The following MDM1 variants were observed in gnomAD, a reference collection of about 807,000 sequenced individuals.
The protein encoded by MDM1 is Mdm1 nuclear protein.
A neutral mutation model predicts 89.1 loss-of-function variants in MDM1; 61 were observed. The observed-to-expected ratio is 0.68, with a 90% CI of 0.56 to 0.85. MDM1 has a LOEUF of 0.85. MDM1 is among the 40% of genes least tolerant of loss of function. The pLI is 0.00. For synonymous variants in MDM1, 290 were observed against 294.1 expected (o/e 0.99, Z 0.14); for missense variants, 820 against 846.5 (o/e 0.97, Z 0.39).
intron 12 of MDM1, among the ~76,000 whole-genome samples, chr12:68,310,828 G>T (rs1301331182): frequency 6.6e-6 from 1 of 152,102 alleles, no homozygotes; most frequent in African/African-American, 2.4e-5. Context: ...ATTCCCTATA[G>T]ATTTTCAACC....
intron 7 of MDM1, among the ~76,000 whole-genome samples, chr12:68,318,141 G>A (rs1874735886): frequency 6.6e-6 from 1 of 152,168 alleles, no homozygotes; most frequent in South Asian, 2.1e-4. Flanking sequence ...CACTCAGTGA[G>A]CCAACCTGTA....
At chr12:68,323,320 A>G in intron 4 of MDM1, 80 bp from the exon 5 acceptor site, 1 of 1,033,742 alleles carries the variant, frequency 9.7e-7, no homozygotes, top group South Asian at 1.7e-5. Flanking sequence ...AACAAAACAT[A>G]AAGTTGAATT....
At chr12:68,299,904 A>G (rs908253024) in intron 13 of MDM1, among the ~76,000 whole-genome samples, 3 of 152,210 alleles carry the variant, frequency 2.0e-5, no homozygotes, top group African/African-American at 7.2e-5. Flanking sequence ...TAAAGTCAAC[A>G]TGAAGGAAAG....
At chr12:68,307,754 A>G (rs1320787491) in intron 12 of MDM1, among the ~76,000 whole-genome samples, 1 of 152,090 alleles carries the variant, frequency 6.6e-6, no homozygotes, top group Non-Finnish European at 1.5e-5. Context: ...CCTGGCCAAC[A>G]TGGCAAAACC....
At chr12:68,321,210 C>G (rs1337741469) in intron 7 of MDM1, 137 bp downstream of exon 7, 4 of 498,538 alleles carry the variant, frequency 8.0e-6, no homozygotes, top group Non-Finnish European at 1.4e-5. Context: ...ACATAAGTTC[C>G]TGATACTATT....
intron 12 of MDM1, among the ~76,000 whole-genome samples, chr12:68,313,137 A>G (rs994492121): frequency 6.6e-6 from 1 of 152,210 alleles, no homozygotes; most frequent in Non-Finnish European, 1.5e-5. Flanking sequence ...TATCCCCAGC[A>G]CTTAAAACAA....
intron 12 of MDM1, among the ~76,000 whole-genome samples, chr12:68,307,017 A>G (rs1285100815): frequency 1.3e-5 from 2 of 152,262 alleles, no homozygotes; most frequent in African/African-American, 2.4e-5. Flanking sequence ...CAGCCATAAG[A>G]AAGAATGAAA....
intron 13 of MDM1, among the ~76,000 whole-genome samples, chr12:68,300,213 T>C (rs1871952993): frequency 6.6e-6 from 1 of 152,092 alleles, no homozygotes; most frequent in Non-Finnish European, 1.5e-5. Context: ...AACAAAAGCT[T>C]GATATGCAAC....
chr12:68,314,934 T>C lies in MDM1; in HGVS notation c.1529+14A>G, dbSNP rs768951908. On this transcript the variant is annotated intron_variant, in intron 10 of 14. Coordinates refer to ENST00000682720, the MANE Select transcript of MDM1 (RefSeq NM_001354969.2). ...AATAACGCTTCTCTATACTGAGTAA[T>C]TTAAAACTCTCACCCTTCTTTCATC... The C allele has an allele frequency of 8.7e-6, 14 of 1,601,856 alleles. No individual in the cohort carries two copies. In the South Asian group the frequency reaches 1.5e-4, roughly 18 times the overall value.
rs1565778206 is a variant in MDM1 at position 68,316,564 on chromosome 12, A to G, written c.1035+17T>C. ...TAATCTATGATTATAGTTTTTAAAA[A>G]CTCAAAAGCAACCAACCTCAGCATA... On this transcript the variant is annotated intron_variant, in intron 8 of 14. Coordinates refer to ENST00000682720, the MANE Select transcript of MDM1 (RefSeq NM_001354969.2). 1.3e-6 allele frequency: 2 copies of G among 1,530,374 alleles called. No individual in the cohort carries two copies. Among genetic ancestry groups the G allele is most frequent in the East Asian group, 2.4e-5 (1 of 40,854 alleles). The allele number at this position is 1,530,374 out of a possible 1,614,324, so 94.8% of individuals were successfully genotyped here.
At chr12:68,325,325 G>C in intron 4 of MDM1, 116 bp downstream of exon 4, 1 of 1,368,984 alleles carries the variant, frequency 7.3e-7, no homozygotes, top group Non-Finnish European at 9.5e-7. Context: ...TGGTTTTCTA[G>C]AACCTACCTC....
intron 13 of MDM1, among the ~76,000 whole-genome samples, chr12:68,299,111 G>C (rs1000734277): frequency 2.0e-5 from 3 of 151,746 alleles, no homozygotes; most frequent in South Asian, 4.2e-4. Context: ...ATTCTTAAGA[G>C]GGGAAAAAAA....
intron 10 of MDM1, among the ~76,000 whole-genome samples, chr12:68,314,571 A>G (rs1431996463): frequency 1.3e-5 from 2 of 152,264 alleles, no homozygotes; most frequent in East Asian, 3.8e-4. Context: ...TTTTTAAAAA[A>G]TATTATAAAA....
At chr12:68,309,452 A>G (rs1873385608) in intron 12 of MDM1, among the ~76,000 whole-genome samples, 1 of 152,156 alleles carries the variant, frequency 6.6e-6, no homozygotes, top group African/African-American at 2.4e-5. Context: ...ATTAGTTTTA[A>G]TTTCATTTCT....
chr12:68,329,385 A>G (rs1876466658), intron 2 of MDM1, among the ~76,000 whole-genome samples: 1 of 152,134 alleles, frequency 6.6e-6, no homozygotes, highest in Admixed American at 6.5e-5. Flanking sequence ...CAGGCTTGGT[A>G]CCCTACCCAT....
intron 14 of MDM1, 34 bp downstream of exon 14, chr12:68,296,889 C>T (rs779910690): frequency 6.7e-7 from 1 of 1,483,350 alleles, no homozygotes. Flanking sequence ...TAGACTAGAA[C>T]TCAAACTTTT....
rs145443112 is a variant in MDM1 at position 68,306,474 on chromosome 12, G to C, written c.1750-3602C>G. Among the ~76,000 whole-genome samples the C allele has an allele frequency of 3.4e-3, 513 of 151,526 alleles. 3 individuals are homozygous for C. Among genetic ancestry groups the C allele is most frequent in the African/African-American group, 0.012 (484 of 41,386 alleles). On this transcript the variant is annotated intron_variant, in intron 12 of 14. Coordinates refer to ENST00000682720, the MANE Select transcript of MDM1 (RefSeq NM_001354969.2). ...AGTAAACGGACATCTTACAGAATGG[G>C]AGAAAATATTTGCAAACTACATATC...
chr12:68,330,355 G>A (rs551897042), intron 2 of MDM1, among the ~76,000 whole-genome samples: 6 of 152,242 alleles, frequency 3.9e-5, no homozygotes, highest in East Asian at 1.9e-4. Context: ...AACCAGTTAC[G>A]GGAAGAAGGC....
intron 13 of MDM1, among the ~76,000 whole-genome samples, chr12:68,299,689 G>A (rs1252354302): frequency 6.6e-6 from 1 of 152,166 alleles, no homozygotes; most frequent in Non-Finnish European, 1.5e-5. Context: ...ATAGGATTAT[G>A]TAAACAACCA....
Sources: gnomAD v4.1 joint callset for allele counts (sites outside exome capture counted in the v4.1 genomes callset) on GRCh38, gnomAD v4.1.1 for gene constraint, MANE v1.5 for transcripts, NCBI Gene and HGNC (gene_info 2026-07-23, HGNC 2026-07-21) for gene names.